The following STRBP variants were observed in gnomAD, a reference collection of about 807,000 sequenced individuals.
The protein encoded by STRBP is spermatid perinuclear RNA-binding protein.
A neutral mutation model predicts 80.1 loss-of-function variants in STRBP; 13 were observed. That is an observed-to-expected ratio of 0.16 (90% CI 0.11 to 0.26). The LOEUF (loss-of-function observed/expected upper bound fraction) is 0.26. Ranked by LOEUF, STRBP falls within the 10% of genes least tolerant of loss-of-function variation. STRBP has a pLI of 1.00. For missense variants in STRBP, 485 were observed against 815.2 expected, an observed-to-expected ratio of 0.59 and a Z score of 4.93; for synonymous variants, 284 against 291.2, an observed-to-expected ratio of 0.98 and a Z score of 0.25.
intron 2 of STRBP, among the ~76,000 whole-genome samples, chr9:123,188,740 A>C (rs1472442626): frequency 1.3e-5 from 2 of 152,198 alleles, no homozygotes; most frequent in Non-Finnish European, 2.9e-5. Flanking sequence ...CCTGAAATGC[A>C]ATAGAGAGAA....
At chr9:123,231,507 T>C (rs1160420534) in intron 2 of STRBP, among the ~76,000 whole-genome samples, 2 of 152,208 alleles carry the variant, frequency 1.3e-5, no homozygotes, top group East Asian at 1.9e-4. Context: ...AATATAACAC[T>C]GCCAGCACCA....
intron 11 of STRBP, among the ~76,000 whole-genome samples, chr9:123,157,763 G>C (rs889362186): frequency 4.0e-5 from 6 of 151,870 alleles, no homozygotes; most frequent in African/African-American, 1.5e-4. Flanking sequence ...ACAGCATGGA[G>C]GTAACTGCCT....
chr9:123,228,746 T>C (rs1273041307), intron 2 of STRBP, among the ~76,000 whole-genome samples: 2 of 152,150 alleles, frequency 1.3e-5, no homozygotes, highest in Non-Finnish European at 2.9e-5. Context: ...AAATGTAAAA[T>C]GGTACAGCCA....
intron 4 of STRBP, among the ~76,000 whole-genome samples, chr9:123,174,444 T>G (rs933592939): frequency 3.3e-5 from 5 of 152,248 alleles, no homozygotes; most frequent in Admixed American, 6.5e-5. Flanking sequence ...TCTCAAAAAA[T>G]AAAAATAAAC....
Position 123,115,390 on chromosome 9 carries a change from G to C in STRBP, c.*84+539C>G. ...CAGCGCCCAGCCCAGGGCTGGCAAG[G>C]AGGATCCCTAGCAGGGAGGGGGAGA... On this transcript the variant is annotated intron_variant and NMD_transcript_variant, in intron 3 of 3. Transcript: ENST00000471564. The surrounding 1 kb of genome is among the most constrained non-coding windows in gnomAD (Gnocchi z 5.0). The C allele has an allele frequency of 2.1e-6, 1 of 471,088 alleles. No individual in the cohort carries two copies. The highest frequency in any genetic ancestry group is 4.4e-6 in the Non-Finnish European group (1 of 227,020). The allele number at this position is 471,088 out of a possible 1,614,324, so 29.2% of individuals were successfully genotyped here.
chr9:123,167,647 T>C (rs950537317), intron 6 of STRBP, among the ~76,000 whole-genome samples: 1 of 150,876 alleles, frequency 6.6e-6, no homozygotes, highest in African/African-American at 2.4e-5. Context: ...CTTTCTGCCA[T>C]TCAAAAAAAA....
At chr9:123,263,535 A>AAG in intron 1 of STRBP, among the ~76,000 whole-genome samples, 1 of 151,632 alleles carries the variant, frequency 6.6e-6, no homozygotes, top group East Asian at 1.9e-4. Flanking sequence ...AAAAAAAAAA[A>AAG]AAAAAAAAAA....
chr9:123,254,027 TA>T (rs1050708854), intron 1 of STRBP, among the ~76,000 whole-genome samples: 1 of 150,256 alleles, frequency 6.7e-6, no homozygotes, highest in African/African-American at 2.4e-5. Context: ...GTTAGCCTTT[TA>T]AAAAAACGTT....
At chr9:123,225,133 G>A (rs1404337165) in intron 2 of STRBP, among the ~76,000 whole-genome samples, 1 of 152,204 alleles carries the variant, frequency 6.6e-6, no homozygotes, top group Non-Finnish European at 1.5e-5. Flanking sequence ...CAAAACCAGT[G>A]ATTCAGTGGT....
chr9:123,238,915 A>G (rs887979607), intron 1 of STRBP, among the ~76,000 whole-genome samples: 1 of 152,228 alleles, frequency 6.6e-6, no homozygotes, highest in Non-Finnish European at 1.5e-5. Flanking sequence ...AGCAGGCAAA[A>G]GTTCAATGAA....
intron 2 of STRBP, among the ~76,000 whole-genome samples, chr9:123,203,634 C>T (rs1462569909): frequency 6.6e-6 from 1 of 152,104 alleles, no homozygotes; most frequent in East Asian, 1.9e-4. Context: ...TAGGTGTCTG[C>T]TCAAATGTCA....
chr9:123,170,934 A>C (rs917555927), intron 5 of STRBP, among the ~76,000 whole-genome samples: 3 of 152,188 alleles, frequency 2.0e-5, no homozygotes, highest in Admixed American at 2.0e-4. Flanking sequence ...GTGTGTATTA[A>C]AAGAATTCAA....
At chr9:123,227,490 C>T (rs1166333914) in intron 2 of STRBP, among the ~76,000 whole-genome samples, 1 of 150,862 alleles carries the variant, frequency 6.6e-6, no homozygotes, top group Non-Finnish European at 1.5e-5. Context: ...CTGAGTGAAA[C>T]AGGGAGGCAA....
chr9:123,236,821 T>C lies in STRBP; in HGVS notation c.-165+9A>G, dbSNP rs1043328358. The C allele has an allele frequency of 6.6e-6, 1 of 152,144 alleles. No individual in the cohort carries two copies. The highest frequency in any genetic ancestry group is 1.5e-5 in the Non-Finnish European group (1 of 68,016). The allele number at this position is 152,144 out of a possible 1,614,324, so 9.4% of individuals were successfully genotyped here. ...GAAGGGAATACCATCACTTACTTTA[T>C]CTACTTACCTTTATAAGAAGCAACA... On this transcript the variant is annotated intron_variant, in intron 2 of 18. Transcript: ENST00000348403.
At chr9:123,195,318 T>C (rs1184580178) in intron 2 of STRBP, among the ~76,000 whole-genome samples, 1 of 152,052 alleles carries the variant, frequency 6.6e-6, no homozygotes, top group East Asian at 1.9e-4. Flanking sequence ...TACAACACTA[T>C]CTAAAATCTG....
chr9:123,145,585 A>G (rs1384906428), intron 13 of STRBP, among the ~76,000 whole-genome samples: 2 of 152,212 alleles, frequency 1.3e-5, no homozygotes, highest in African/African-American at 4.8e-5. Context: ...ATCAAATGCC[A>G]CAACTGTGAC....
chr9:123,137,458 G>A (rs1488079241), intron 14 of STRBP, among the ~76,000 whole-genome samples: 1 of 152,136 alleles, frequency 6.6e-6, no homozygotes, highest in African/African-American at 2.4e-5. Flanking sequence ...GGCCCAGGCT[G>A]GAGTGCAGTG....
At chr9:123,116,244 C>T (rs748371905) in intron 2 of STRBP, 4 of 360,332 alleles carry the variant, frequency 1.1e-5, no homozygotes, top group African/African-American at 4.3e-5. Flanking sequence ...GTTTGAAGGC[C>T]GAGCCAGGAA....
intron 11 of STRBP, among the ~76,000 whole-genome samples, chr9:123,155,470 C>CA (rs2037241924): frequency 6.6e-6 from 1 of 152,064 alleles, no homozygotes; most frequent in South Asian, 2.1e-4. Context: ...TTGCCAGAAA[C>CA]AGAGAATCAA....
Sources: allele counts gnomAD v4.1 joint callset (sites outside exome capture counted in the v4.1 genomes callset), GRCh38; gene constraint gnomAD v4.1.1; non-coding constraint Gnocchi (gnomAD v3.1); transcripts MANE v1.5; gene names NCBI Gene and HGNC (gene_info 2026-07-23, HGNC 2026-07-21).